The following HTR2C variants were observed in gnomAD, a reference collection of about 807,000 sequenced individuals.
HTR2C encodes the protein 5-hydroxytryptamine receptor 2C.
HTR2C carries 5 observed loss-of-function variants against 21.0 expected under a neutral mutation model. That is an observed-to-expected ratio of 0.24 (90% CI 0.12 to 0.50). The LOEUF (loss-of-function observed/expected upper bound fraction) is 0.50. Ranked by LOEUF, HTR2C falls within the 20% of genes least tolerant of loss-of-function variation. HTR2C has a pLI of 0.98. For missense variants in HTR2C, 271 were observed against 371.2 expected, an observed-to-expected ratio of 0.73 and a Z score of 2.22; for synonymous variants, 150 against 145.3, an observed-to-expected ratio of 1.03 and a Z score of -0.23.
At chrX:114,763,270 C>T (rs1434786068) in intron 4 of HTR2C, 3 of 125,579 alleles carry the variant, frequency 2.4e-5, no homozygotes, top group East Asian at 2.8e-4. Flanking sequence ...TTTGCCATTT[C>T]GCCACCGGTG....
intron 5 of HTR2C, among the ~76,000 whole-genome samples, chrX:114,881,393 C>A (rs1228404774): frequency 9.1e-6 from 1 of 109,962 alleles, no homozygotes; most frequent in Non-Finnish European, 1.9e-5. Flanking sequence ...GTGTCATATT[C>A]AAGAAAACAT....
intron 2 of HTR2C, among the ~76,000 whole-genome samples, chrX:114,669,150 T>C (rs1931278694): frequency 9.0e-6 from 1 of 110,761 alleles, no homozygotes; most frequent in Admixed American, 9.7e-5. Context: ...GCATTTTCTA[T>C]CAACAGGTTC....
chrX:114,907,360 T>C lies in HTR2C; in HGVS notation c.1322T>C (p.Leu441Ser). The change falls in exon 6 of 6, where the codon TTA (leucine) becomes TCA (serine). Residue 441 changes from leucine (L) to serine (S), a missense_variant. This residue lies in a region of HTR2C where 192 missense variants were observed against 247.2 expected (regional missense o/e 0.78). Transcript: ENST00000276198. ...GGTATAGAGATGCAAGTTGAGAATT[T>C]AGAGTTACCAGTAAATCCCTCCAGT... ...EPGIEMQVEN[L>S]ELPVNPSSVV... 8.3e-7 allele frequency: 1 copy of C among 1,211,055 alleles called. No individual in the cohort carries two copies. Among genetic ancestry groups the C allele is most frequent in the South Asian group, 1.8e-5 (1 of 56,955 alleles).
intron 2 of HTR2C, among the ~76,000 whole-genome samples, chrX:114,690,680 G>A (rs1407323402): frequency 9.0e-6 from 1 of 111,492 alleles, no homozygotes; most frequent in African/African-American, 3.3e-5. Flanking sequence ...TGGGATAATA[G>A]GGCAGGTGCT....
chrX:114,693,754 AAGG>A (rs1288121263), intron 2 of HTR2C, among the ~76,000 whole-genome samples: 2 of 112,024 alleles, frequency 1.8e-5, no homozygotes, highest in African/African-American at 6.5e-5. Context: ...AGTTGTAGTG[AAGG>A]AGAAGTTTAG....
At chrX:114,708,853 G>C (rs1475421002) in intron 2 of HTR2C, among the ~76,000 whole-genome samples, 1 of 110,812 alleles carries the variant, frequency 9.0e-6, no homozygotes, top group African/African-American at 3.3e-5. Context: ...ATGGACCAAA[G>C]ACTTTCTCTG....
intron 2 of HTR2C, among the ~76,000 whole-genome samples, chrX:114,621,915 A>C (rs1556401796): frequency 9.0e-6 from 1 of 111,647 alleles, no homozygotes; most frequent in Non-Finnish European, 1.9e-5. Context: ...ATTAAGTTCT[A>C]CATCTTAGAA....
intron 4 of HTR2C, among the ~76,000 whole-genome samples, chrX:114,773,779 A>C (rs2070028607): frequency 8.9e-6 from 1 of 112,421 alleles, no homozygotes; most frequent in Admixed American, 9.5e-5. Context: ...CATAATTTCC[A>C]AAATGCCTTT....
intron 4 of HTR2C, among the ~76,000 whole-genome samples, chrX:114,743,877 A>G (rs1391924954): frequency 2.7e-5 from 3 of 112,215 alleles, no homozygotes; most frequent in African/African-American, 9.7e-5. Flanking sequence ...ACATAATGAC[A>G]TGGAAGAATC....
chrX:114,700,313 G>A (rs1171286078), intron 2 of HTR2C, among the ~76,000 whole-genome samples: 1 of 111,563 alleles, frequency 9.0e-6, no homozygotes. Flanking sequence ...AAAGTTTGAT[G>A]GAGATAATGC....
At chrX:114,662,439 A>G (rs1388520576) in intron 2 of HTR2C, among the ~76,000 whole-genome samples, 1 of 111,301 alleles carries the variant, frequency 9.0e-6, no homozygotes, top group African/African-American at 3.3e-5. Context: ...TTACCTACCA[A>G]CACACACACA....
intron 1 of HTR2C, among the ~76,000 whole-genome samples, chrX:114,603,377 A>C (rs1165644196): frequency 6.5e-5 from 7 of 107,088 alleles, no homozygotes; most frequent in Admixed American, 6.1e-4. Flanking sequence ...CAGCAGCAGC[A>C]GCCGCTGCAT....
At chrX:114,744,283 T>C (rs1460022252) in intron 4 of HTR2C, among the ~76,000 whole-genome samples, 1 of 108,388 alleles carries the variant, frequency 9.2e-6, no homozygotes, top group Non-Finnish European at 1.9e-5. Flanking sequence ...TTTTAGAAAG[T>C]AAGGACGGTC....
chrX:114,882,617 T>C (rs1282415590), intron 5 of HTR2C, among the ~76,000 whole-genome samples: 2 of 111,070 alleles, frequency 1.8e-5, no homozygotes, highest in Admixed American at 9.6e-5. Flanking sequence ...TTTACTTCTA[T>C]TGATATGGTA....
At chrX:114,896,023 G>A (rs2071294861) in intron 5 of HTR2C, among the ~76,000 whole-genome samples, 1 of 109,112 alleles carries the variant, frequency 9.2e-6, no homozygotes, top group Non-Finnish European at 1.9e-5. Context: ...TTTTGCTTTT[G>A]CCCTACCCAC....
chrX:114,704,565 G>A (rs1186571103), intron 2 of HTR2C, among the ~76,000 whole-genome samples: 3 of 111,424 alleles, frequency 2.7e-5, no homozygotes, highest in Admixed American at 9.6e-5. Context: ...TCTCAAAATA[G>A]TAAGAGCTAT....
Position 114,907,469 on chromosome X carries a change from T to A in HTR2C, c.*54T>A. On this transcript the variant is annotated 3_prime_UTR_variant, in exon 6 of 6. Transcript: ENST00000276198. ...TACAAGCTACATATGTAGGAAAATT[T>A]TCTTCTTTAATTTTTCTGTTGGTCT... The A allele has an allele frequency of 1.1e-6, 1 of 939,634 alleles. No homozygotes were observed. Among genetic ancestry groups the A allele is most frequent in the South Asian group, 2.3e-5 (1 of 44,433 alleles). The allele number at this position is 939,634 out of a possible 1,213,427, so 77.4% of individuals were successfully genotyped here. A position where few individuals can be genotyped will look rare whatever the true frequency, so the allele number is the denominator to read the frequency against.
chrX:114,688,545 T>C (rs1325573157), intron 2 of HTR2C, among the ~76,000 whole-genome samples: 1 of 111,739 alleles, frequency 8.9e-6, no homozygotes, highest in Non-Finnish European at 1.9e-5. Context: ...ATTATACATG[T>C]AGTACTTTTG....
intron 2 of HTR2C, among the ~76,000 whole-genome samples, chrX:114,679,767 A>C (rs986135270): frequency 1.8e-5 from 2 of 111,639 alleles, no homozygotes; most frequent in African/African-American, 3.3e-5. Context: ...AAAAAGATAG[A>C]GTCTTGCCCA....
Sources: allele counts gnomAD v4.1 joint callset (sites outside exome capture counted in the v4.1 genomes callset), GRCh38; gene constraint gnomAD v4.1.1; regional missense constraint gnomAD v4.1.1; transcripts MANE v1.5; gene names NCBI Gene and HGNC (gene_info 2026-07-23, HGNC 2026-07-21).